Variants in SGCZ observed in about 807,000 individuals in gnomAD.
SGCZ encodes zeta-sarcoglycan.
Under a neutral mutation model 41.3 loss-of-function variants are expected in SGCZ, and 40 were observed. The ratio of observed to expected loss-of-function variants is 0.97; its 90% CI spans 0.75 to 1.26. SGCZ has a LOEUF of 1.26. Ranked by LOEUF, SGCZ falls within the 50% of genes most tolerant of loss-of-function variation. The probability of loss-of-function intolerance (pLI) is 0.00; values close to 1 mark genes in which losing one functional copy is unlikely to be tolerated. For missense variants in SGCZ, 552 were observed against 369.8 expected (o/e 1.49, Z -4.04); for synonymous variants, 206 against 137.5 (o/e 1.50, Z -3.49).
intron 1 of SGCZ, among the ~76,000 whole-genome samples, chr8:15,054,945 G>A (rs1221358478): frequency 1.4e-5 from 2 of 139,792 alleles, no homozygotes; most frequent in Non-Finnish European, 3.1e-5. Context: ...CTGGGCAACA[G>A]AGCAAGACTC....
At chr8:14,189,885 G>GTA (rs1805035055) in intron 4 of SGCZ, among the ~76,000 whole-genome samples, 1 of 152,048 alleles carries the variant, frequency 6.6e-6, no homozygotes, top group Admixed American at 6.6e-5. Context: ...TTTCTAACCT[G>GTA]TAAGAGAAGT....
intron 1 of SGCZ, among the ~76,000 whole-genome samples, chr8:14,808,165 G>T (rs1028389812): frequency 4.6e-5 from 7 of 152,094 alleles, no homozygotes; most frequent in Non-Finnish European, 1.0e-4. Flanking sequence ...CAGGACATAG[G>T]CATGGGCAAG....
intron 1 of SGCZ, among the ~76,000 whole-genome samples, chr8:15,222,534 T>C (rs1486354442): frequency 6.6e-6 from 1 of 152,222 alleles, no homozygotes; most frequent in African/African-American, 2.4e-5. Flanking sequence ...AATGATTTAA[T>C]GTATTAGCTT....
chr8:14,412,290 A>G (rs1473551721), intron 2 of SGCZ, among the ~76,000 whole-genome samples: 3 of 152,110 alleles, frequency 2.0e-5, no homozygotes, highest in Non-Finnish European at 2.9e-5. Flanking sequence ...AGGTATTTTT[A>G]TAAGGGTTAC....
chr8:15,105,770 C>T (rs1202374632), intron 1 of SGCZ, among the ~76,000 whole-genome samples: 5 of 152,164 alleles, frequency 3.3e-5, no homozygotes, highest in African/African-American at 1.2e-4. Context: ...GGCATAAGCA[C>T]TCATATATAT....
chr8:14,862,322 G>A (rs1011820762), intron 1 of SGCZ, among the ~76,000 whole-genome samples: 1 of 151,834 alleles, frequency 6.6e-6, no homozygotes, highest in Non-Finnish European at 1.5e-5. Flanking sequence ...TTGACCAGGA[G>A]TACAACACAG....
At chr8:14,557,395 G>T (rs927562258) in intron 1 of SGCZ, among the ~76,000 whole-genome samples, 1 of 151,888 alleles carries the variant, frequency 6.6e-6, no homozygotes, top group African/African-American at 2.4e-5. Flanking sequence ...TTACCTTTCT[G>T]AGTGTTCCTT....
intron 1 of SGCZ, among the ~76,000 whole-genome samples, chr8:14,715,739 G>A (rs1442469580): frequency 6.6e-6 from 1 of 152,066 alleles, no homozygotes; most frequent in Non-Finnish European, 1.5e-5. Flanking sequence ...AGTACCAATA[G>A]AGATCTGTCA....
At chr8:14,908,904 T>C (rs1437019009) in intron 1 of SGCZ, among the ~76,000 whole-genome samples, 1 of 152,172 alleles carries the variant, frequency 6.6e-6, no homozygotes. Context: ...TCAAAGTGCA[T>C]TGTATTAGGT....
chr8:15,156,668 G>C (rs1212435565), intron 1 of SGCZ, among the ~76,000 whole-genome samples: 1 of 152,104 alleles, frequency 6.6e-6, no homozygotes, highest in East Asian at 1.9e-4. Flanking sequence ...TCTCGGCCAG[G>C]CGCGGTGGCT....
chr8:14,361,511 C>A (rs1446171503), intron 2 of SGCZ, among the ~76,000 whole-genome samples: 1 of 152,172 alleles, frequency 6.6e-6, no homozygotes, highest in Non-Finnish European at 1.5e-5. Flanking sequence ...AGTTCTCATA[C>A]TGTGGTTTTC....
At chr8:14,289,442 G>C (rs945606784) in intron 3 of SGCZ, among the ~76,000 whole-genome samples, 1 of 151,906 alleles carries the variant, frequency 6.6e-6, no homozygotes, top group Admixed American at 6.6e-5. Flanking sequence ...TGAGACAATT[G>C]TTCAATATAG....
chr8:14,133,464 C>T (rs1803102146), intron 5 of SGCZ, among the ~76,000 whole-genome samples: 1 of 152,094 alleles, frequency 6.6e-6, no homozygotes, highest in Non-Finnish European at 1.5e-5. Context: ...CACGTAGTCT[C>T]CAGACAGGTT....
intron 2 of SGCZ, among the ~76,000 whole-genome samples, chr8:14,438,067 C>A (rs953810710): frequency 6.6e-6 from 1 of 151,792 alleles, no homozygotes; most frequent in African/African-American, 2.4e-5. Flanking sequence ...GTAAATAAAT[C>A]TTTCCTATCA....
intron 1 of SGCZ, among the ~76,000 whole-genome samples, chr8:14,607,568 G>T (rs551164339): frequency 2.6e-5 from 4 of 152,220 alleles, no homozygotes; most frequent in Admixed American, 2.6e-4. Context: ...TAAACCACAT[G>T]CACTCTTGAA....
At chr8:14,702,498 A>G (rs1321196309) in intron 1 of SGCZ, among the ~76,000 whole-genome samples, 2 of 151,890 alleles carry the variant, frequency 1.3e-5, no homozygotes, top group African/African-American at 4.8e-5. Flanking sequence ...CCACACTGGT[A>G]TATTCTTATT....
chr8:14,885,621 A>C (rs1804757932), intron 1 of SGCZ, among the ~76,000 whole-genome samples: 1 of 152,062 alleles, frequency 6.6e-6, no homozygotes. Context: ...CTGACATCTT[A>C]AAGTCAGGAA....
At chr8:14,711,643 G>A (rs965200391) in intron 1 of SGCZ, among the ~76,000 whole-genome samples, 2 of 146,746 alleles carry the variant, frequency 1.4e-5, no homozygotes, top group African/African-American at 5.0e-5. Context: ...CCCTTGTACG[G>A]AAAAAAATGC....
chr8:14,829,057 T>C (rs4515548), intron 1 of SGCZ, among the ~76,000 whole-genome samples: 85,263 of 151,828 alleles, frequency 0.56, 26,381 homozygotes, highest in East Asian at 0.87. Flanking sequence ...GGTACATGTG[T>C]CCCTGAAACC....
Sources: gnomAD v4.1 joint callset for allele counts (sites outside exome capture counted in the v4.1 genomes callset) on GRCh38, gnomAD v4.1.1 for gene constraint, MANE v1.5 for transcripts, NCBI Gene and HGNC (gene_info 2026-07-23, HGNC 2026-07-21) for gene names.